PRKAG2: variants seen among roughly 807,000 people sequenced by gnomAD.
PRKAG2 encodes 5'-AMP-activated protein kinase subunit gamma-2.
PRKAG2 carries 26 observed loss-of-function variants against 69.6 expected under a neutral mutation model. The observed-to-expected ratio is 0.37, with a 90% CI of 0.27 to 0.52. PRKAG2 has a LOEUF of 0.52. PRKAG2 is among the 20% of genes least tolerant of loss of function. The pLI is 0.90. For missense variants in PRKAG2, 557 were observed against 740.0 expected (o/e 0.75, Z 2.87); for synonymous variants, 293 against 285.0 (o/e 1.03, Z -0.28).
At chr7:151,858,149 G>C (rs144794954) in intron 1 of PRKAG2, among the ~76,000 whole-genome samples, 1 of 152,282 alleles carries the variant, frequency 6.6e-6, no homozygotes, top group East Asian at 1.9e-4. Flanking sequence ...AGCCCCTGCT[G>C]CTACCCAGCA....
At chr7:151,599,144 T>C (rs1279021701) in intron 5 of PRKAG2, among the ~76,000 whole-genome samples, 1 of 152,152 alleles carries the variant, frequency 6.6e-6, no homozygotes, top group Non-Finnish European at 1.5e-5. Context: ...TGAGCCACTG[T>C]GCCCAGCCCT....
In PRKAG2 at chr7:151,632,316, C is replaced by A. The variant is rs890015717; in HGVS notation, c.685-178G>T. 99 of 833,832 alleles carry A rather than the reference C, an allele frequency of 1.2e-4. 1 individual carries two copies. In the African/African-American group the frequency reaches 1.4e-3, roughly 12 times the overall value. The allele number at this position is 833,832 out of a possible 1,614,324, so 51.7% of individuals were successfully genotyped here. A position where few individuals can be genotyped will look rare whatever the true frequency, so the allele number is the denominator to read the frequency against. On this transcript the variant is annotated intron_variant, in intron 4 of 15. Transcript: ENST00000287878. The surrounding 1 kb of genome is among the most constrained non-coding windows in gnomAD (Gnocchi z 4.2). ...GGAGCGGGAGCGCTGCCCCCACCCG[C>A]CCGAGGCCGCCGCCGCCGCCGCAGG...
chr7:151,874,372 TATG>T lies in PRKAG2; in HGVS notation c.114+2132_114+2134del, dbSNP rs1181118523. Reference sequence around the variant, plus strand: ...TGTATATGATGTATATGTATATGTATATGATGTATATGTATATGATGTATATGT... The same window carrying T: ...TGTATATGATGTATATGTATATGTATATGTATATGTATATGATGTATATGT... On this transcript the variant is annotated intron_variant, in intron 1 of 15. Transcript: ENST00000287878. Among the ~76,000 whole-genome samples, 187 of 65,724 alleles carry T rather than the reference TATG, an allele frequency of 2.8e-3. 1 individual carries two copies. Among genetic ancestry groups the T allele is most frequent in the East Asian group, 6.8e-3 (18 of 2,650 alleles). 43.1% of individuals were successfully genotyped at this position (65,724 alleles called of 152,430 possible).
intron 3 of PRKAG2, among the ~76,000 whole-genome samples, chr7:151,740,303 T>C (rs190859270): frequency 5.3e-5 from 8 of 152,326 alleles, no homozygotes; most frequent in African/African-American, 1.9e-4. Flanking sequence ...TGCTGTGTCA[T>C]CTCCCAAGGG....
At chr7:151,703,217 C>T (rs10235478) in intron 3 of PRKAG2, among the ~76,000 whole-genome samples, 4,941 of 152,302 alleles carry the variant, frequency 0.032, 204 homozygotes, top group African/African-American at 0.093. Context: ...AGAGGAAAAG[C>T]GCACCTTCTC....
chr7:151,728,274 T>G (rs1176227283), intron 3 of PRKAG2, among the ~76,000 whole-genome samples: 4 of 152,110 alleles, frequency 2.6e-5, no homozygotes, highest in East Asian at 1.9e-4. Flanking sequence ...CCTATTTTTT[T>G]CTTCTCAATC....
chr7:151,617,273 AGGG>A (rs1820379069), intron 5 of PRKAG2, among the ~76,000 whole-genome samples: 1 of 63,278 alleles, frequency 1.6e-5, no homozygotes, highest in African/African-American at 7.3e-5. Flanking sequence ...GGAAGGAGGG[AGGG>A]AGGGAAAGAG....
intron 3 of PRKAG2, chr7:151,736,382 GC>G: frequency 2.1e-6 from 2 of 935,924 alleles, no homozygotes; most frequent in Admixed American, 9.2e-5. Context: ...ACTCTCCAGG[GC>G]TTTTTTTTTT....
intron 3 of PRKAG2, among the ~76,000 whole-genome samples, chr7:151,721,216 C>G (rs953787451): frequency 1.2e-4 from 18 of 152,052 alleles, no homozygotes; most frequent in African/African-American, 4.3e-4. Context: ...GGGGTCCCAT[C>G]CCTGCAGCCA....
chr7:151,764,664 C>T (rs548987320), intron 3 of PRKAG2, among the ~76,000 whole-genome samples: 1 of 152,348 alleles, frequency 6.6e-6, no homozygotes, highest in South Asian at 2.1e-4. Flanking sequence ...ACCTCATGAC[C>T]TATTCACACT....
chr7:151,865,953 G>C (rs2080063617), intron 1 of PRKAG2, among the ~76,000 whole-genome samples: 1 of 150,354 alleles, frequency 6.7e-6, no homozygotes, highest in South Asian at 2.1e-4. Flanking sequence ...CTGGGAGGCG[G>C]AGCTTGCAGT....
chr7:151,773,726 C>T (rs2076199551), intron 3 of PRKAG2, among the ~76,000 whole-genome samples: 1 of 152,190 alleles, frequency 6.6e-6, no homozygotes, highest in African/African-American at 2.4e-5. Context: ...CACAGACATG[C>T]ACTTTCCTTT....
chr7:151,632,565 G>A lies in PRKAG2; in HGVS notation c.685-427C>T. The stretch of plus-strand genomic sequence containing the variant: ...CGCCCCCACTCCGCCCCCCGGCGCC[G>A]CTCACCTTCCCAGCACCGGCGGCCG... On this transcript the variant is annotated intron_variant, in intron 4 of 15. Coordinates refer to ENST00000287878, the MANE Select transcript of PRKAG2 (RefSeq NM_016203.4). This position sits in a 1 kb window ranked among gnomAD's most constrained non-coding sequence, Gnocchi z 4.2. 4 of 984,442 alleles carry A rather than the reference G, an allele frequency of 4.1e-6. No homozygotes were observed. Among genetic ancestry groups the A allele is most frequent in the Non-Finnish European group, 4.8e-6 (4 of 829,490 alleles). The allele number at this position is 984,442 out of a possible 1,614,324, so 61.0% of individuals were successfully genotyped here. A position where few individuals can be genotyped will look rare whatever the true frequency, so the allele number is the denominator to read the frequency against.
At chr7:151,573,225 A>G (rs1808065691) in intron 8 of PRKAG2, among the ~76,000 whole-genome samples, 1 of 150,764 alleles carries the variant, frequency 6.6e-6, no homozygotes, top group Admixed American at 6.6e-5. Context: ...AAGTGCGATC[A>G]TGACTCACTG....
intron 1 of PRKAG2, among the ~76,000 whole-genome samples, chr7:151,824,819 C>T (rs113972084): frequency 1.1e-3 from 163 of 152,336 alleles, no homozygotes; most frequent in African/African-American, 3.7e-3. Flanking sequence ...CCCAGCGGAA[C>T]TCAGCCGACA....
chr7:151,801,593 T>A (rs4128399), intron 1 of PRKAG2, among the ~76,000 whole-genome samples: 1 of 152,144 alleles, frequency 6.6e-6, no homozygotes, highest in African/African-American at 2.4e-5. Context: ...AGTTTCTTGG[T>A]TGGGGACTCA....
intron 3 of PRKAG2, among the ~76,000 whole-genome samples, chr7:151,697,729 C>G (rs754759265): frequency 1.3e-5 from 2 of 151,914 alleles, no homozygotes; most frequent in African/African-American, 4.8e-5. Flanking sequence ...GGGGTGTGGA[C>G]GCAGGGAGGA....
At chr7:151,626,200 C>T (rs1002296083) in intron 5 of PRKAG2, among the ~76,000 whole-genome samples, 7 of 152,164 alleles carry the variant, frequency 4.6e-5, no homozygotes, top group African/African-American at 1.7e-4. Context: ...TACCAATACC[C>T]CCGAATCCTC....
chr7:151,631,327 C>T (rs1824346914), intron 5 of PRKAG2, among the ~76,000 whole-genome samples: 1 of 152,194 alleles, frequency 6.6e-6, no homozygotes. Flanking sequence ...TAAGAGCAAG[C>T]TCATCCCGTT....
Sources: allele counts gnomAD v4.1 joint callset (sites outside exome capture counted in the v4.1 genomes callset), GRCh38; gene constraint gnomAD v4.1.1; non-coding constraint Gnocchi (gnomAD v3.1); transcripts MANE v1.5; gene names NCBI Gene and HGNC (gene_info 2026-07-23, HGNC 2026-07-21).